MAP2: variants seen among roughly 807,000 people sequenced by gnomAD.
The protein encoded by MAP2 is microtubule-associated protein 2.
In MAP2, 14 loss-of-function variants were observed where a neutral mutation model predicts 137.6. The ratio of observed to expected loss-of-function variants is 0.10; its 90% CI spans 0.07 to 0.16. The LOEUF is 0.16. Ranked by LOEUF, MAP2 falls within the 10% of genes least tolerant of loss-of-function variation. The pLI is 1.00. For missense variants in MAP2, 2,088 were observed against 2,191.5 expected, an observed-to-expected ratio of 0.95 and a Z score of 0.94; for synonymous variants, 786 against 782.3, an observed-to-expected ratio of 1.00 and a Z score of -0.08.
chr2:209,701,808 G>A (rs1015783571), intron 11 of MAP2, among the ~76,000 whole-genome samples: 1 of 152,172 alleles, frequency 6.6e-6, no homozygotes, highest in South Asian at 2.1e-4. Flanking sequence ...TTCAAGATTT[G>A]TATCTCTTTA....
intron 1 of MAP2, among the ~76,000 whole-genome samples, chr2:209,471,084 A>T (rs562942471): frequency 5.9e-5 from 9 of 151,924 alleles, no homozygotes; most frequent in Non-Finnish European, 1.3e-4. Flanking sequence ...GCATGGTCTG[A>T]CTCTTGCCTG....
chr2:209,434,863 T>TTATATATATGTTA (rs1695380446), intron 1 of MAP2, among the ~76,000 whole-genome samples: 2 of 96,554 alleles, frequency 2.1e-5, no homozygotes, highest in African/African-American at 7.4e-5. Context: ...TATATATATG[T>TTATATATATGTTA]TATATATATG....
At chr2:209,520,289 A>G (rs757862304) in intron 2 of MAP2, among the ~76,000 whole-genome samples, 3 of 152,084 alleles carry the variant, frequency 2.0e-5, no homozygotes, top group African/African-American at 4.8e-5. Context: ...ATTTCTTAAT[A>G]TATATACATA....
At chr2:209,471,116 C>T (rs748205682) in intron 1 of MAP2, among the ~76,000 whole-genome samples, 1 of 152,144 alleles carries the variant, frequency 6.6e-6, no homozygotes, top group Admixed American at 6.5e-5. Context: ...TCACTTCTAC[C>T]ATTCTCCACA....
chr2:209,646,900 T>A (rs1291091392), intron 4 of MAP2, among the ~76,000 whole-genome samples: 1 of 152,182 alleles, frequency 6.6e-6, no homozygotes, highest in East Asian at 1.9e-4. Flanking sequence ...TGGTTACTTA[T>A]TATTCCATTC....
At chr2:209,437,645 A>G (rs181083712) in intron 1 of MAP2, among the ~76,000 whole-genome samples, 99 of 151,724 alleles carry the variant, frequency 6.5e-4, no homozygotes, top group African/African-American at 2.2e-3. Context: ...AGAGCCCCCC[A>G]TGTGACCATT....
At chr2:209,462,392 A>T (rs780165935) in intron 1 of MAP2, among the ~76,000 whole-genome samples, 6 of 152,236 alleles carry the variant, frequency 3.9e-5, no homozygotes, top group Non-Finnish European at 7.3e-5. Context: ...TGGATTTAAC[A>T]CAAGAAGAGT....
At position 209,586,124 on chromosome 2, in the gene MAP2, C is replaced by G. The variant is rs530262328; in HGVS notation, c.-107+6024C>G. ...AGGATATGAAAACAATAGGAAAATA[C>G]ACTTAAGGAGTCCGGAACTCAAAGA... On this transcript the variant is annotated intron_variant, in intron 3 of 15. Coordinates refer to ENST00000682079, the MANE Select transcript of MAP2 (RefSeq NM_001375505.1). Among the ~76,000 whole-genome samples, 29 of 152,108 alleles carry G rather than the reference C, an allele frequency of 1.9e-4. 1 individual carries two copies. In the South Asian group the frequency reaches 6.0e-3, roughly 32 times the overall value.
chr2:209,646,006 C>T (rs1559474813), intron 4 of MAP2, among the ~76,000 whole-genome samples: 1 of 151,974 alleles, frequency 6.6e-6, no homozygotes, highest in Non-Finnish European at 1.5e-5. Context: ...GACAATATGG[C>T]AAAACCTTGA....
intron 1 of MAP2, among the ~76,000 whole-genome samples, chr2:209,467,305 G>A (rs947918927): frequency 1.3e-5 from 2 of 151,852 alleles, no homozygotes; most frequent in African/African-American, 2.4e-5. Context: ...ATAATATACC[G>A]CCAGAAGATG....
chr2:209,455,598 A>G (rs190079097), intron 1 of MAP2, among the ~76,000 whole-genome samples: 29 of 152,302 alleles, frequency 1.9e-4, no homozygotes, highest in East Asian at 9.7e-4. Context: ...AATTATTAGC[A>G]TGAATTACTT....
chr2:209,458,577 G>C (rs1194920749), intron 1 of MAP2, among the ~76,000 whole-genome samples: 1 of 152,158 alleles, frequency 6.6e-6, no homozygotes, highest in African/African-American at 2.4e-5. Flanking sequence ...GCCTAAAGGG[G>C]ATGGTCACTG....
In MAP2 at chr2:209,637,382, G is replaced by A. The variant is rs568131165; in HGVS notation, c.-30+12253G>A. Among the ~76,000 whole-genome samples the A allele has an allele frequency of 1.4e-4, 21 of 152,236 alleles. No individual in the cohort carries two copies. The Middle Eastern group carries it at 0.014, about 99-fold the overall frequency. On this transcript the variant is annotated intron_variant, in intron 4 of 15. Transcript: ENST00000682079. ...CGTTTGAACCCAGGAGTCAGAGGTT[G>A]CAGTGAGCCAGGTTCACATCACTGC...
intron 1 of MAP2, among the ~76,000 whole-genome samples, chr2:209,473,558 A>AC (rs1293013225): frequency 2.0e-5 from 3 of 151,926 alleles, no homozygotes; most frequent in African/African-American, 7.3e-5. Context: ...ATGATTTATC[A>AC]CCCCCAAGTG....
Position 209,540,660 on chromosome 2 carries a change from A to AAAAAAAAAG in MAP2, c.-172+33021_-172+33022insAAAAAAGAA, listed in dbSNP as rs1577569192. Among the ~76,000 whole-genome samples, 798 of 128,792 alleles carry AAAAAAAAAG rather than the reference A, an allele frequency of 6.2e-3. 30 individuals carry two copies. Among genetic ancestry groups the AAAAAAAAAG allele is most frequent in the African/African-American group, 0.014 (380 of 27,778 alleles). 84.5% of individuals were successfully genotyped at this position (128,792 alleles called of 152,430 possible). A position where few individuals can be genotyped will look rare whatever the true frequency, so the allele number is the denominator to read the frequency against. On this transcript the variant is annotated intron_variant, in intron 2 of 15. Coordinates refer to ENST00000682079, the MANE Select transcript of MAP2 (RefSeq NM_001375505.1). ...AAAAAAAAAAAAAAAAAAAAAAAAA[A>AAAAAAAAAG]AAGAAGAAAAGAAAAGAAAATCACA...
intron 3 of MAP2, among the ~76,000 whole-genome samples, chr2:209,600,119 A>G (rs2082544076): frequency 6.6e-6 from 1 of 152,174 alleles, no homozygotes; most frequent in Admixed American, 6.5e-5. Context: ...GGGACTGCAC[A>G]GTTTCCTTTA....
At chr2:209,627,975 T>C (rs1245363081) in intron 4 of MAP2, among the ~76,000 whole-genome samples, 1 of 152,196 alleles carries the variant, frequency 6.6e-6, no homozygotes. Context: ...ATATTACTAA[T>C]TCTCATATTC....
intron 2 of MAP2, among the ~76,000 whole-genome samples, chr2:209,547,815 A>G (rs552006387): frequency 3.3e-5 from 5 of 152,318 alleles, no homozygotes; most frequent in African/African-American, 7.2e-5. Flanking sequence ...CACTATTATT[A>G]TGATGTTTAT....
chr2:209,447,530 T>C (rs1699354463), intron 1 of MAP2, among the ~76,000 whole-genome samples: 1 of 152,034 alleles, frequency 6.6e-6, no homozygotes, highest in Non-Finnish European at 1.5e-5. Context: ...AAATTCTTAC[T>C]AAAAATTTGA....
Sources: gnomAD v4.1 joint callset for allele counts (sites outside exome capture counted in the v4.1 genomes callset) on GRCh38, gnomAD v4.1.1 for gene constraint, MANE v1.5 for transcripts, NCBI Gene and HGNC (gene_info 2026-07-23, HGNC 2026-07-21) for gene names.